Variants in ARHGAP31 observed in about 807,000 individuals in gnomAD.
ARHGAP31 encodes the protein rho GTPase-activating protein 31.
ARHGAP31 carries 34 observed loss-of-function variants against 113.9 expected under a neutral mutation model. The ratio of observed to expected loss-of-function variants is 0.30; its 90% CI spans 0.23 to 0.40. The LOEUF (loss-of-function observed/expected upper bound fraction) is 0.40. Ranked by LOEUF, ARHGAP31 falls within the 10% of genes least tolerant of loss-of-function variation. ARHGAP31 has a pLI of 1.00. For synonymous variants in ARHGAP31, 650 were observed against 684.8 expected (o/e 0.95, Z 0.79); for missense variants, 1,548 against 1,767.1 (o/e 0.88, Z 2.22).
At chr3:119,400,148 C>T (rs957796991) in intron 9 of ARHGAP31, among the ~76,000 whole-genome samples, 1 of 152,118 alleles carries the variant, frequency 6.6e-6, no homozygotes, top group Non-Finnish European at 1.5e-5. Flanking sequence ...ATTCTAAACC[C>T]GGGCCGGGTG....
intron 5 of ARHGAP31, 33 bp downstream of exon 5, chr3:119,382,432 CA>C: frequency 1.9e-6 from 3 of 1,588,242 alleles, no homozygotes; most frequent in Non-Finnish European, 2.6e-6. Context: ...GTCACCAGCC[CA>C]GGGGGCTCAG....
chr3:119,400,878 T>C (rs922456269), intron 9 of ARHGAP31, among the ~76,000 whole-genome samples: 2 of 152,208 alleles, frequency 1.3e-5, no homozygotes, highest in African/African-American at 4.8e-5. Context: ...TATTTCTAAG[T>C]CAAGAACTTG....
chr3:119,393,396 T>A lies in ARHGAP31; in HGVS notation c.882-71T>A, dbSNP rs1250726533. 3 of 1,570,670 alleles carry A rather than the reference T, an allele frequency of 1.9e-6. No individual in the cohort carries two copies. In the Admixed American group the frequency reaches 5.0e-5, roughly 26 times the overall value. ...TAACTGAGGACATAACTGGAATATT[T>A]GGTCTCAATTTAAAAGTCCCCTTGA... is the stretch of plus-strand genomic sequence containing the variant. On this transcript the variant is annotated intron_variant, in intron 7 of 11. Coordinates refer to ENST00000264245, the MANE Select transcript of ARHGAP31 (RefSeq NM_020754.4).
chr3:119,296,018 CATAG>C (rs1441608722), intron 1 of ARHGAP31, among the ~76,000 whole-genome samples: 4 of 152,210 alleles, frequency 2.6e-5, no homozygotes, highest in African/African-American at 7.2e-5. Flanking sequence ...TGTGTTTATA[CATAG>C]ATAGATACAA....
At chr3:119,380,684 C>A (rs558720961) in intron 3 of ARHGAP31, among the ~76,000 whole-genome samples, 1 of 152,084 alleles carries the variant, frequency 6.6e-6, no homozygotes, top group Admixed American at 6.6e-5. Context: ...GGCAGCCCAC[C>A]GCCTGCTGTG....
At chr3:119,402,899 C>A (rs2080625475) in intron 10 of ARHGAP31, among the ~76,000 whole-genome samples, 1 of 152,154 alleles carries the variant, frequency 6.6e-6, no homozygotes, top group Non-Finnish European at 1.5e-5. Context: ...GCAACCCTAG[C>A]AACGAGAAAG....
At chr3:119,386,340 G>A (rs2080447812) in intron 6 of ARHGAP31, among the ~76,000 whole-genome samples, 1 of 152,166 alleles carries the variant, frequency 6.6e-6, no homozygotes, top group African/African-American at 2.4e-5. Flanking sequence ...GGAATTTCAA[G>A]ATCCAAGGGC....
chr3:119,363,988 A>G (rs572610206), intron 1 of ARHGAP31, among the ~76,000 whole-genome samples: 48 of 152,248 alleles, frequency 3.2e-4, no homozygotes, highest in African/African-American at 1.1e-3. Flanking sequence ...GCATCTGTCC[A>G]GGGACCAAAG....
At chr3:119,394,687 G>A (rs1263170664) in intron 8 of ARHGAP31, among the ~76,000 whole-genome samples, 1 of 152,112 alleles carries the variant, frequency 6.6e-6, no homozygotes, top group African/African-American at 2.4e-5. Context: ...GAGCACAGTG[G>A]TTCGTGCCTG....
At chr3:119,360,113 G>C (rs1357938443) in intron 1 of ARHGAP31, among the ~76,000 whole-genome samples, 1 of 152,088 alleles carries the variant, frequency 6.6e-6, no homozygotes, top group Admixed American at 6.5e-5. Context: ...CTACAAGTTA[G>C]TTTGCATTTT....
chr3:119,312,543 C>T lies in ARHGAP31; in HGVS notation c.100+17539C>T, dbSNP rs562333658. On this transcript the variant is annotated intron_variant, in intron 1 of 11. Transcript: ENST00000264245. The stretch of plus-strand genomic sequence containing the variant: ...AGGATGTGATTTAATAAGGAATAAA[C>T]ACCTGACACAAGTACAAGCCGTCTT... Among the ~76,000 whole-genome samples, 26 of 152,268 alleles carry T rather than the reference C, an allele frequency of 1.7e-4. No individual in the cohort carries two copies. In the South Asian group the frequency reaches 3.9e-3, roughly 23 times the overall value.
chr3:119,297,618 G>C (rs1481796956), intron 1 of ARHGAP31, among the ~76,000 whole-genome samples: 1 of 152,352 alleles, frequency 6.6e-6, no homozygotes, highest in East Asian at 1.9e-4. Context: ...CCTTGAGTTG[G>C]AGTGGAGGAC....
At chr3:119,342,562 T>C (rs2080017884) in intron 1 of ARHGAP31, among the ~76,000 whole-genome samples, 1 of 152,290 alleles carries the variant, frequency 6.6e-6, no homozygotes, top group South Asian at 2.1e-4. Flanking sequence ...ACAGGGAATA[T>C]GTACCACCAA....
At chr3:119,329,812 A>G in intron 1 of ARHGAP31, 1 of 985,434 alleles carries the variant, frequency 1.0e-6, no homozygotes, top group Non-Finnish European at 1.2e-6. Context: ...CTGAACCATG[A>G]GCGTATTGAG....
Position 119,409,721 on chromosome 3 carries a change from G to T in ARHGAP31, c.1871G>T (p.Ser624Ile), listed in dbSNP as rs748882379. The change falls in exon 11 of 12, where the codon AGC becomes ATC. Residue 624 changes from serine (S) to isoleucine (I), a missense_variant. Ser to Ile is a moderately radical substitution (Grantham distance 142, BLOSUM62 -2). Coordinates refer to ENST00000264245, the MANE Select transcript of ARHGAP31 (RefSeq NM_020754.4). The stretch of plus-strand genomic sequence containing the variant: ...CGAGAGGCTGGTGAGATGGAGTCCA[G>T]CACCCTGCAGGAGAGCCCCAGGGCC... ...EGREAGEMES[S>I]TLQESPRARA... 1.2e-6 allele frequency: 2 copies of T among 1,609,192 alleles called. No homozygotes were observed. Among genetic ancestry groups the T allele is most frequent in the African/African-American group, 2.7e-5 (2 of 74,864 alleles).
intron 6 of ARHGAP31, among the ~76,000 whole-genome samples, chr3:119,390,016 T>G (rs185413940): frequency 2.0e-5 from 3 of 152,222 alleles, no homozygotes; most frequent in African/African-American, 7.2e-5. Flanking sequence ...ATCAAAAATA[T>G]CTCCAGACAT....
intron 7 of ARHGAP31, 55 bp from the exon 8 acceptor site, chr3:119,393,412 G>A: frequency 1.2e-6 from 2 of 1,609,228 alleles, no homozygotes; most frequent in Non-Finnish European, 1.7e-6. Context: ...CAATTTAAAA[G>A]TCCCCTTGAA....
At chr3:119,381,922 C>G (rs74588379) in intron 4 of ARHGAP31, among the ~76,000 whole-genome samples, 1 of 146,242 alleles carries the variant, frequency 6.8e-6, no homozygotes, top group Non-Finnish European at 1.5e-5. Context: ...GGAGGCGGAG[C>G]TTGCAGTGAG....
chr3:119,332,635 T>TCTCACACACACA (rs1403595583), intron 1 of ARHGAP31, among the ~76,000 whole-genome samples: 2 of 85,664 alleles, frequency 2.3e-5, no homozygotes, highest in South Asian at 4.6e-4. Context: ...TCTCTCTCTC[T>TCTCACACACACA]CACACACACA....
Sources: gnomAD v4.1 joint callset for allele counts (sites outside exome capture counted in the v4.1 genomes callset) on GRCh38, gnomAD v4.1.1 for gene constraint, MANE v1.5 for transcripts, NCBI Gene and HGNC (gene_info 2026-07-23, HGNC 2026-07-21) for gene names.